PHACTR2: variants seen among roughly 807,000 people sequenced by gnomAD.
PHACTR2 encodes the protein phosphatase and actin regulator 2.
In PHACTR2, 30 loss-of-function variants were observed where a neutral mutation model predicts 76.0. That is an observed-to-expected ratio of 0.39 (90% CI 0.30 to 0.54). The LOEUF (loss-of-function observed/expected upper bound fraction) is 0.54. Ranked by LOEUF, PHACTR2 falls within the 20% of genes least tolerant of loss-of-function variation. The probability of loss-of-function intolerance (pLI) is 0.61; values close to 1 mark genes in which losing one functional copy is unlikely to be tolerated. For synonymous variants in PHACTR2, 292 were observed against 292.5 expected (o/e 1.00, Z 0.02); for missense variants, 696 against 781.1 (o/e 0.89, Z 1.30).
intron 1 of PHACTR2, among the ~76,000 whole-genome samples, chr6:143,563,434 T>C (rs541033552): frequency 6.6e-6 from 1 of 151,370 alleles, no homozygotes; most frequent in South Asian, 2.1e-4. Flanking sequence ...CACACACCTG[T>C]AGTTCCAGGT....
intron 2 of PHACTR2, among the ~76,000 whole-genome samples, chr6:143,748,149 T>A (rs1779108766): frequency 6.6e-6 from 1 of 152,192 alleles, no homozygotes; most frequent in South Asian, 2.1e-4. Context: ...CACTGCAACT[T>A]CAGCCTCCTG....
rs1008193019 is a variant in PHACTR2, at chr6:143,765,925, A to G, written c.1232+127A>G. The G allele has an allele frequency of 2.2e-5, 17 of 768,272 alleles. No individual in the cohort carries two copies. The highest frequency in any genetic ancestry group is 2.8e-5 in the Admixed American group (1 of 35,094). 47.6% of individuals were successfully genotyped at this position (768,272 alleles called of 1,614,324 possible). On this transcript the variant is annotated intron_variant, in intron 6 of 12. Transcript: ENST00000440869. This position sits in a 1 kb window ranked among gnomAD's most constrained non-coding sequence, Gnocchi z 4.1. ...TCTACTGAGTGTTAGGTAGGCATAC[A>G]TGTGATCCAACCATTGCTTTGTCAG...
At position 143,760,405 on chromosome 6, in the gene PHACTR2, C is replaced by G. The variant is rs181999095; in HGVS notation, c.459C>G (p.Asn153Lys). Reference sequence around the variant, plus strand: ...TGTTCACTTTCTCGTTTATAGAGAACACTGAAAACCACTCTGAAACACCGG... The same window carrying G: ...TGTTCACTTTCTCGTTTATAGAGAAGACTGAAAACCACTCTGAAACACCGG... ...LEEQAEDKKE[N>K]TENHSETPAA... Residue 153 changes from asparagine (N) to lysine (K), a missense_variant, in exon 5 of 13, where the codon AAC (asparagine) becomes AAG (lysine). By Grantham distance (94) the Asn-to-Lys change is moderately conservative. Coordinates refer to ENST00000440869, the MANE Select transcript of PHACTR2 (RefSeq NM_001100164.2). This position sits in a 1 kb window ranked among gnomAD's most constrained non-coding sequence, Gnocchi z 6.4. 6.2e-7 allele frequency: 1 copy of G among 1,608,820 alleles called. No homozygotes were observed. Among genetic ancestry groups the G allele is most frequent in the Admixed American group, 1.7e-5 (1 of 58,914 alleles).
In PHACTR2 at chr6:143,794,029, T is replaced by A. The variant is rs893587032; in HGVS notation, c.1845+5119T>A. On this transcript the variant is annotated intron_variant, in intron 11 of 12. Transcript: ENST00000440869. The surrounding 1 kb of genome is among the most constrained non-coding windows in gnomAD (Gnocchi z 4.1). ...TATATACACAAGTGATGAATATTCATTGGGCCATATCTGAATATTCAAAAA... is the reference window on the plus strand; with the variant it reads ...TATATACACAAGTGATGAATATTCAATGGGCCATATCTGAATATTCAAAAA... Among the ~76,000 whole-genome samples the A allele has an allele frequency of 2.0e-5, 3 of 151,920 alleles. No individual in the cohort carries two copies. The highest frequency in any genetic ancestry group is 6.6e-5 in the Admixed American group (1 of 15,226).
chr6:143,564,682 G>A (rs1451546646), intron 1 of PHACTR2, among the ~76,000 whole-genome samples: 1 of 152,198 alleles, frequency 6.6e-6, no homozygotes, highest in Admixed American at 6.5e-5. Flanking sequence ...TCAGCACCCT[G>A]AGAAGGTGCC....
rs1425357421 is a variant in PHACTR2, at chr6:143,648,857, T to A, written c.13+40535T>A. Among the ~76,000 whole-genome samples, 1 of 150,834 alleles carries A rather than the reference T, an allele frequency of 6.6e-6. No homozygotes were observed. The highest frequency in any genetic ancestry group is 1.5e-5 in the Non-Finnish European group (1 of 67,730). ...AAGTGTGTGTCTGTGTATGTGTCCATGTGTGTGTCTATGCATATGTGTCTA... is the reference window on the plus strand; with the variant it reads ...AAGTGTGTGTCTGTGTATGTGTCCAAGTGTGTGTCTATGCATATGTGTCTA... On this transcript the variant is annotated intron_variant, in intron 1 of 11. Transcript: ENST00000305766. The surrounding 1 kb of genome is among the most constrained non-coding windows in gnomAD (Gnocchi z 6.7).
At chr6:143,685,828 T>C (rs1426790771) in intron 1 of PHACTR2, among the ~76,000 whole-genome samples, 1 of 152,070 alleles carries the variant, frequency 6.6e-6, no homozygotes, top group Non-Finnish European at 1.5e-5. Context: ...CAATATATAT[T>C]AAGTCATAAA....
At chr6:143,717,238 A>T (rs1422588248) in intron 2 of PHACTR2, among the ~76,000 whole-genome samples, 1 of 152,084 alleles carries the variant, frequency 6.6e-6, no homozygotes, top group Non-Finnish European at 1.5e-5. Flanking sequence ...ACCTATTGAA[A>T]TACTACCAAT....
rs1775168487 is a variant in PHACTR2 at position 143,556,009 on chromosome 6, A to AG, written c.217+18803dup. On this transcript the variant is annotated intron_variant, in intron 1 of 11. Transcript: ENST00000367584. This position sits in a 1 kb window ranked among gnomAD's most constrained non-coding sequence, Gnocchi z 4.3. ...ACAATTAATTTTTTTAAAAAGAAAC[A>AG]GAAAAAAAACAAAAAGAAAAGAGAC... Among the ~76,000 whole-genome samples, 1 of 151,862 alleles carries AG rather than the reference A, an allele frequency of 6.6e-6. No homozygotes were observed. Among genetic ancestry groups the AG allele is most frequent in the Non-Finnish European group, 1.5e-5 (1 of 67,988 alleles).
Position 143,700,865 on chromosome 6 carries a change from A to T in PHACTR2, c.47-11151A>T, listed in dbSNP as rs1161191516. Among the ~76,000 whole-genome samples, 2 of 152,174 alleles carry T rather than the reference A, an allele frequency of 1.3e-5. No individual in the cohort carries two copies. Among genetic ancestry groups the T allele is most frequent in the East Asian group, 3.9e-4 (2 of 5,186 alleles). ...ATGACTAACATCTACGGGGAACAAG[A>T]TAGGTTGTTGGTTGATTCCTGTCAC... is the stretch of plus-strand genomic sequence containing the variant. On this transcript the variant is annotated intron_variant, in intron 1 of 12. Coordinates refer to ENST00000440869, the MANE Select transcript of PHACTR2 (RefSeq NM_001100164.2). The surrounding 1 kb of genome is among the most constrained non-coding windows in gnomAD (Gnocchi z 4.1).
In PHACTR2 at chr6:143,695,158, T is replaced by C. The variant is rs934734293; in HGVS notation, c.47-16858T>C. ...CAGGAATTGCCTTGAGATGGCGAGA[T>C]ACAAGCATTCTACAAAGGCTGCAAA... On this transcript the variant is annotated intron_variant, in intron 1 of 12. Coordinates refer to ENST00000440869, the MANE Select transcript of PHACTR2 (RefSeq NM_001100164.2). The surrounding 1 kb of genome is among the most constrained non-coding windows in gnomAD (Gnocchi z 4.4). Among the ~76,000 whole-genome samples the C allele has an allele frequency of 6.6e-6, 1 of 152,214 alleles. No individual in the cohort carries two copies.
intron 9 of PHACTR2, among the ~76,000 whole-genome samples, chr6:143,779,435 G>A (rs1045719727): frequency 6.7e-6 from 1 of 148,306 alleles, no homozygotes; most frequent in Non-Finnish European, 1.5e-5. Context: ...CTGCAACCCC[G>A]CCTCCTGGGT....
In PHACTR2 at chr6:143,610,913, A is replaced by C. The variant is rs1775964555; in HGVS notation, c.13+2591A>C. Among the ~76,000 whole-genome samples the C allele has an allele frequency of 6.6e-6, 1 of 152,126 alleles. No homozygotes were observed. Among genetic ancestry groups the C allele is most frequent in the Non-Finnish European group, 1.5e-5 (1 of 68,010 alleles). On this transcript the variant is annotated intron_variant, in intron 1 of 11. Transcript: ENST00000305766. The surrounding 1 kb of genome is among the most constrained non-coding windows in gnomAD (Gnocchi z 4.9). Reference sequence around the variant, plus strand: ...CTAACATTTTCTTCTTTTTTTTTCAAATGGCTATTTCTTCTTAGAAGTTAT... The same window carrying C: ...CTAACATTTTCTTCTTTTTTTTTCACATGGCTATTTCTTCTTAGAAGTTAT...
In PHACTR2 at chr6:143,599,831, C is replaced by T. The variant is rs910121678; in HGVS notation, c.217+62624C>T. 6.6e-6 allele frequency among the ~76,000 whole-genome samples: 1 copy of T among 152,118 alleles called. No homozygotes were observed. Among genetic ancestry groups the T allele is most frequent in the Non-Finnish European group, 1.5e-5 (1 of 68,022 alleles). On this transcript the variant is annotated intron_variant, in intron 1 of 11. Transcript: ENST00000367584. This position sits in a 1 kb window ranked among gnomAD's most constrained non-coding sequence, Gnocchi z 4.6. The stretch of plus-strand genomic sequence containing the variant: ...AGCAGGCCATTCTGCTGACTTGGGC[C>T]CAAATGCTTTCAGGAGCCAGGCAGG...
intron 1 of PHACTR2, among the ~76,000 whole-genome samples, chr6:143,563,008 G>T (rs529899312): frequency 1.3e-5 from 2 of 152,292 alleles, no homozygotes; most frequent in Non-Finnish European, 2.9e-5. Context: ...TGTTTAACAG[G>T]TTTGGAGTTT....
intron 1 of PHACTR2, among the ~76,000 whole-genome samples, chr6:143,559,958 G>T (rs1046424362): frequency 2.0e-5 from 3 of 151,860 alleles, no homozygotes; most frequent in African/African-American, 7.3e-5. Flanking sequence ...TAATCCACCT[G>T]CCTGGGCCTC....
chr6:143,828,642 A>G lies in PHACTR2; in HGVS notation c.*4953A>G, dbSNP rs548543033. ...TTAGCCATGCTAGGATTTACTGCAC[A>G]CACAAAAAATGTCATTTAGCTTGTC... On this transcript the variant is annotated 3_prime_UTR_variant, in exon 13 of 13. Transcript: ENST00000440869. The surrounding 1 kb of genome is among the most constrained non-coding windows in gnomAD (Gnocchi z 4.7). 1.3e-5 allele frequency: 2 copies of G among 152,188 alleles called. No individual in the cohort carries two copies. Among genetic ancestry groups the G allele is most frequent in the Admixed American group, 1.3e-4 (2 of 15,284 alleles). The allele number at this position is 152,188 out of a possible 1,614,324, so 9.4% of individuals were successfully genotyped here.
chr6:143,564,910 T>TA (rs34294411), intron 1 of PHACTR2, among the ~76,000 whole-genome samples: 90,377 of 151,894 alleles, frequency 0.59, 27,366 homozygotes, highest in Middle Eastern at 0.72. Flanking sequence ...TGATCACAAG[T>TA]AGAGATGCTC....
chr6:143,746,969 G>A (rs1779081563), intron 2 of PHACTR2, among the ~76,000 whole-genome samples: 1 of 152,150 alleles, frequency 6.6e-6, no homozygotes, highest in Admixed American at 6.5e-5. Context: ...GGAAGGGAGG[G>A]AAGCCTTCTG....
Sources: gnomAD v4.1 joint callset for allele counts (sites outside exome capture counted in the v4.1 genomes callset) on GRCh38, gnomAD v4.1.1 for gene constraint, Gnocchi (gnomAD v3.1) non-coding constraint, MANE v1.5 for transcripts, NCBI Gene and HGNC (gene_info 2026-07-23, HGNC 2026-07-21) for gene names.